The following BCLAF3 variants were observed in gnomAD, a reference collection of about 807,000 sequenced individuals.
The protein encoded by BCLAF3 is transient octamer binding factor 1.
In BCLAF3, 24 loss-of-function variants were observed where a neutral mutation model predicts 51.2. The observed-to-expected ratio is 0.47, with a 90% CI of 0.34 to 0.66. The LOEUF (loss-of-function observed/expected upper bound fraction) is 0.66. Ranked by LOEUF, BCLAF3 falls within the 30% of genes least tolerant of loss-of-function variation. The probability of loss-of-function intolerance (pLI) is 0.01; values close to 1 mark genes in which losing one functional copy is unlikely to be tolerated. For missense variants in BCLAF3, 465 were observed against 525.1 expected, an observed-to-expected ratio of 0.89 and a Z score of 1.12; for synonymous variants, 152 against 176.6, an observed-to-expected ratio of 0.86 and a Z score of 1.10.
At chrX:19,976,661 G>T (rs776054434) in intron 1 of BCLAF3, among the ~76,000 whole-genome samples, 1 of 111,996 alleles carries the variant, frequency 8.9e-6, no homozygotes, top group Non-Finnish European at 1.9e-5. Flanking sequence ...AAAGTGCTGA[G>T]ATTACAGGCA....
At chrX:19,961,985 C>A (rs2071870380) in intron 4 of BCLAF3, among the ~76,000 whole-genome samples, 1 of 111,682 alleles carries the variant, frequency 9.0e-6, no homozygotes, top group Non-Finnish European at 1.9e-5. Context: ...ATTTTTGTGA[C>A]ACATGATAAA....
chrX:19,936,981 T>C (rs1384495987), intron 9 of BCLAF3, among the ~76,000 whole-genome samples: 1 of 112,171 alleles, frequency 8.9e-6, no homozygotes, highest in Non-Finnish European at 1.9e-5. Flanking sequence ...AATAAATATG[T>C]TCCAAGAGAT....
chrX:19,979,420 A>C (rs189032783), intron 1 of BCLAF3, among the ~76,000 whole-genome samples: 1 of 111,475 alleles, frequency 9.0e-6, no homozygotes, highest in Non-Finnish European at 1.9e-5. Flanking sequence ...GCAATAATAT[A>C]TTTTTAAATT....
intron 10 of BCLAF3, among the ~76,000 whole-genome samples, chrX:19,933,508 A>G (rs1349922444): frequency 1.8e-5 from 2 of 112,156 alleles, no homozygotes; most frequent in Non-Finnish European, 3.8e-5. Context: ...TGGATATGTC[A>G]GACATAATGA....
At chrX:19,961,415 TTA>T (rs1159283092) in intron 4 of BCLAF3, among the ~76,000 whole-genome samples, 20 of 112,150 alleles carry the variant, frequency 1.8e-4, no homozygotes, top group Non-Finnish European at 3.2e-4. Context: ...AGTGATAACC[TTA>T]TGTTTTCAAC....
chrX:19,971,699 G>C (rs2072263428), intron 1 of BCLAF3, among the ~76,000 whole-genome samples: 1 of 111,690 alleles, frequency 9.0e-6, no homozygotes, highest in Non-Finnish European at 1.9e-5. Context: ...TCCTAACTTA[G>C]TGGTCCCAAA....
chrX:19,966,365 C>T lies in BCLAF3; in HGVS notation c.326G>A (p.Arg109Lys). Reference sequence around the variant, plus strand: ...TGAGTATTTGGGCATATACTGAGCTCTCCTGTTACTGTCCCCTCTTCCAGG... The same window carrying T: ...TGAGTATTTGGGCATATACTGAGCTTTCCTGTTACTGTCCCCTCTTCCAGG... ...YSPGRGDSNR[R>K]AQYMPKYSEG... is the part of the protein sequence containing the mutation. Residue 109 changes from arginine to lysine, a missense_variant, in exon 3 of 12, where the codon AGA becomes AAA. Coordinates refer to ENST00000379682, the MANE Select transcript of BCLAF3 (RefSeq NM_001367774.2). The T allele has an allele frequency of 8.3e-7, 1 of 1,211,620 alleles. No individual in the cohort carries two copies. Among genetic ancestry groups the T allele is most frequent in the Non-Finnish European group, 1.1e-6 (1 of 895,530 alleles).
At chrX:19,978,933 G>A (rs781745223) in intron 1 of BCLAF3, among the ~76,000 whole-genome samples, 7 of 110,586 alleles carry the variant, frequency 6.3e-5, no homozygotes, top group Admixed American at 9.6e-5. Flanking sequence ...AGAGTTGATC[G>A]ATGCAACAAA....
chrX:19,964,519 C>T (rs1240039697), intron 4 of BCLAF3, among the ~76,000 whole-genome samples: 1 of 110,399 alleles, frequency 9.1e-6, no homozygotes. Flanking sequence ...AGTCACCTGC[C>T]TCGTTGAGTC....
At chrX:19,967,538 C>A (rs2072100361) in intron 2 of BCLAF3, among the ~76,000 whole-genome samples, 1 of 111,687 alleles carries the variant, frequency 9.0e-6, no homozygotes, top group Non-Finnish European at 1.9e-5. Context: ...CGGAAGGCTT[C>A]TGTATCCAGG....
intron 1 of BCLAF3, among the ~76,000 whole-genome samples, chrX:19,983,225 C>T (rs971996328): frequency 6.4e-4 from 66 of 103,700 alleles, no homozygotes; most frequent in Admixed American, 2.0e-3. Context: ...CCCAAAGTGC[C>T]GGGATTACAG....
At chrX:19,928,800 T>C (rs1310359068) in intron 11 of BCLAF3, among the ~76,000 whole-genome samples, 1 of 111,216 alleles carries the variant, frequency 9.0e-6, no homozygotes, top group East Asian at 2.8e-4. Context: ...AAGGATATTA[T>C]GTTAAGTGAA....
intron 7 of BCLAF3, among the ~76,000 whole-genome samples, chrX:19,952,072 CTATAA>C (rs1222209524): frequency 8.9e-6 from 1 of 111,904 alleles, no homozygotes; most frequent in Non-Finnish European, 1.9e-5. Flanking sequence ...AAAATGCAAG[CTATAA>C]GACTGCCAGA....
In BCLAF3 at chrX:19,950,816, C is replaced by G; in HGVS notation, c.1682G>C (p.Arg561Thr). 1 of 1,210,715 alleles carries G rather than the reference C, an allele frequency of 8.3e-7. No individual in the cohort carries two copies. The highest frequency in any genetic ancestry group is 1.1e-6 in the Non-Finnish European group (1 of 894,835). ...PNDLRHDIERRRKERLQNEDE... is the reference protein window; with the variant it reads ...PNDLRHDIERTRKERLQNEDE... Reference sequence around the variant, plus strand: ...TTCATTCTGTAACCGTTCTTTTCGCCTTCTTTCAATGTCATGTCGTAGGTC... The same window carrying G: ...TTCATTCTGTAACCGTTCTTTTCGCGTTCTTTCAATGTCATGTCGTAGGTC... The change falls in exon 8 of 12, where the codon AGG becomes ACG. Residue 561 changes from arginine to threonine, a missense_variant. Transcript: ENST00000379682.
At chrX:19,935,774 A>G (rs1030127667) in intron 10 of BCLAF3, 35 bp downstream of exon 10, 33 of 1,107,156 alleles carry the variant, frequency 3.0e-5, no homozygotes, top group Middle Eastern at 2.4e-4. Context: ...GCATAAAACC[A>G]AAGCTGGAAT....
intron 1 of BCLAF3, among the ~76,000 whole-genome samples, chrX:19,983,593 C>G (rs1030207167): frequency 9.2e-6 from 1 of 108,967 alleles, no homozygotes; most frequent in Admixed American, 9.7e-5. Context: ...CATGCGCCTA[C>G]GGTCCCAGCT....
intron 1 of BCLAF3, among the ~76,000 whole-genome samples, chrX:19,975,406 C>T (rs1439299896): frequency 9.3e-5 from 10 of 107,176 alleles, no homozygotes; most frequent in Non-Finnish European, 1.3e-4. Context: ...TGCAGTGCTG[C>T]GATCTCGGCT....
chrX:19,976,136 T>C (rs1232899851), intron 1 of BCLAF3, among the ~76,000 whole-genome samples: 4 of 111,895 alleles, frequency 3.6e-5, no homozygotes, highest in Admixed American at 2.9e-4. Flanking sequence ...AACATGTCCA[T>C]GAGCAAACTC....
chrX:19,945,532 C>T lies in BCLAF3; in HGVS notation c.1745+5221G>A, dbSNP rs777252799. Among the ~76,000 whole-genome samples the T allele has an allele frequency of 7.3e-3, 652 of 89,192 alleles. 18 individuals carry two copies. The highest frequency in any genetic ancestry group is 0.04 in the African/African-American group (609 of 15,401). The allele number at this position is 89,192 out of a possible 115,157, so 77.5% of individuals were successfully genotyped here. ...CTGCAGGTCTGTTGGAATACCCTGC[C>T]GTGTGAGGTGTCAGTGTGCCCCTGC... On this transcript the variant is annotated intron_variant, in intron 8 of 11. Transcript: ENST00000379682.
Sources: allele counts gnomAD v4.1 joint callset (sites outside exome capture counted in the v4.1 genomes callset), GRCh38; gene constraint gnomAD v4.1.1; transcripts MANE v1.5; gene names NCBI Gene and HGNC (gene_info 2026-07-23, HGNC 2026-07-21).